Variants in SPART observed in about 807,000 individuals in gnomAD.
The protein encoded by SPART is spartin.
In SPART, 35 loss-of-function variants were observed where a neutral mutation model predicts 58.7. The observed-to-expected ratio is 0.60, with a 90% CI of 0.46 to 0.79. The LOEUF (loss-of-function observed/expected upper bound fraction) is 0.79. Among genes scored for constraint, SPART ranks in the 30% least tolerant of loss-of-function variants. The pLI, the probability that SPART is intolerant of heterozygous loss-of-function variation, is 0.00. For synonymous variants in SPART, 284 were observed against 280.7 expected (o/e 1.01, Z -0.12); for missense variants, 730 against 786.1 (o/e 0.93, Z 0.85).
At chr13:36,359,256 A>G (rs1413663877) in intron 1 of SPART, among the ~76,000 whole-genome samples, 3 of 152,208 alleles carry the variant, frequency 2.0e-5, no homozygotes, top group Non-Finnish European at 4.4e-5. Context: ...TATTGACATT[A>G]CATAACACGG....
chr13:36,313,130 T>C (rs757734918), intron 6 of SPART, among the ~76,000 whole-genome samples: 3 of 152,142 alleles, frequency 2.0e-5, no homozygotes, highest in Non-Finnish European at 4.4e-5. Flanking sequence ...AGTACATTGC[T>C]TGGGAAGGTT....
chr13:36,331,557 G>A lies in SPART; in HGVS notation c.850C>T (p.Pro284Ser), dbSNP rs1206533803. 6.2e-7 allele frequency: 1 copy of A among 1,613,870 alleles called. No homozygotes were observed. Among genetic ancestry groups the A allele is most frequent in the Admixed American group, 1.7e-5 (1 of 59,982 alleles). Residue 284 changes from proline (P) to serine (S), a missense_variant, in exon 3 of 9, where the codon CCG becomes TCG. By Grantham distance (74) the Pro-to-Ser change is moderately conservative (BLOSUM62 -1). Transcript: ENST00000438666. The part of the protein sequence containing the change: ...WLYPLVPDRS[P>S]VLKCTAGAYM... ...GCTCCCGCAGTACATTTCAGAACCG[G>A]AGATCTATCAGGAACTAGAGGATAT...
At chr13:36,326,763 T>C in intron 4 of SPART, 65 bp from the exon 5 acceptor site, 1 of 1,559,988 alleles carries the variant, frequency 6.4e-7, no homozygotes, top group Non-Finnish European at 8.8e-7. Flanking sequence ...CTGTAAGCAT[T>C]ATATAACAAA....
At chr13:36,369,224 T>G (rs1033771313) in intron 1 of SPART, among the ~76,000 whole-genome samples, 1 of 152,186 alleles carries the variant, frequency 6.6e-6, no homozygotes, top group African/African-American at 2.4e-5. Flanking sequence ...ATTTAGTCCT[T>G]TAAAAGCTGT....
intron 8 of SPART, among the ~76,000 whole-genome samples, chr13:36,309,506 T>G (rs1880871357): frequency 6.6e-6 from 1 of 152,152 alleles, no homozygotes; most frequent in Non-Finnish European, 1.5e-5. Flanking sequence ...AACAGTGGAC[T>G]GCACAAAGAA....
intron 1 of SPART, among the ~76,000 whole-genome samples, chr13:36,363,367 C>CAT (rs1885940161): frequency 6.6e-6 from 1 of 152,088 alleles, no homozygotes; most frequent in Non-Finnish European, 1.5e-5. Context: ...CTCTCTCTCT[C>CAT]TCTCTGTCCC....
chr13:36,368,683 G>A (rs563412486), intron 1 of SPART, among the ~76,000 whole-genome samples: 1 of 152,218 alleles, frequency 6.6e-6, no homozygotes, highest in African/African-American at 2.4e-5. Flanking sequence ...TACACTCTAC[G>A]TTTTTGGAGC....
At chr13:36,341,634 G>A (rs1256883848) in intron 1 of SPART, among the ~76,000 whole-genome samples, 1 of 150,916 alleles carries the variant, frequency 6.6e-6, no homozygotes, top group African/African-American at 2.4e-5. Flanking sequence ...AACTATTTTA[G>A]CAGCAATCTA....
At chr13:36,369,786 G>A (rs1220250212) in intron 1 of SPART, among the ~76,000 whole-genome samples, 1 of 152,150 alleles carries the variant, frequency 6.6e-6, no homozygotes, top group African/African-American at 2.4e-5. Context: ...AATATTTATA[G>A]AGACTTCATG....
chr13:36,312,280 A>C, intron 7 of SPART, 39 bp downstream of exon 7: 1 of 1,613,990 alleles, frequency 6.2e-7, no homozygotes, highest in Non-Finnish European at 8.5e-7. Context: ...GTCCAAAGCA[A>C]ACGGACCTTC....
chr13:36,353,591 A>G (rs1437129748), intron 1 of SPART, among the ~76,000 whole-genome samples: 1 of 152,290 alleles, frequency 6.6e-6, no homozygotes, highest in South Asian at 2.1e-4. Context: ...GGTTTGGTAT[A>G]AGGAACTGGG....
chr13:36,347,614 G>A (rs912715934), upstream of SPART, among the ~76,000 whole-genome samples: 1 of 152,052 alleles, frequency 6.6e-6, no homozygotes, highest in African/African-American at 2.4e-5. Flanking sequence ...ATCCCAAAAA[G>A]CAAAACCTAT....
At chr13:36,328,252 G>A (rs573819195) in intron 4 of SPART, among the ~76,000 whole-genome samples, 1 of 152,196 alleles carries the variant, frequency 6.6e-6, no homozygotes, top group African/African-American at 2.4e-5. Flanking sequence ...GAATATTCAC[G>A]TGATATTCAT....
At chr13:36,318,470 A>G (rs1345213702) in intron 5 of SPART, among the ~76,000 whole-genome samples, 1 of 152,306 alleles carries the variant, frequency 6.6e-6, no homozygotes, top group East Asian at 1.9e-4. Context: ...CTCAAAATAC[A>G]TTTTATTACC....
At chr13:36,352,339 T>A (rs886111982) in intron 1 of SPART, among the ~76,000 whole-genome samples, 2 of 152,208 alleles carry the variant, frequency 1.3e-5, no homozygotes, top group Non-Finnish European at 2.9e-5. Context: ...CTAATTTGAC[T>A]TGGTACTAGC....
chr13:36,359,659 A>G (rs1885760431), intron 1 of SPART, among the ~76,000 whole-genome samples: 1 of 152,158 alleles, frequency 6.6e-6, no homozygotes, highest in African/African-American at 2.4e-5. Context: ...AACGTATGCA[A>G]AGCTCTGTAC....
intron 1 of SPART, among the ~76,000 whole-genome samples, chr13:36,359,760 G>A (rs1885764542): frequency 1.3e-5 from 2 of 152,038 alleles, no homozygotes; most frequent in South Asian, 4.2e-4. Flanking sequence ...ATCTGCCACT[G>A]GCCAGCTTGG....
At position 36,335,111 on chromosome 13, in the gene SPART, A is replaced by T. The variant is rs780452995; in HGVS notation, c.720T>A (p.Ser240Arg). ...IFFVNPAGEVSAPSYPGYLRI... is the reference protein window; with the variant it reads ...IFFVNPAGEVRAPSYPGYLRI... ...GAAGGTACCCAGGATACGAAGGTGC[A>T]CTAACCTCCCCTGCAGGATTTACAA... The change falls in exon 2 of 9, where the codon AGT becomes AGA. Residue 240 changes from serine (S) to arginine (R), a missense_variant. Physicochemically the swap from Ser to Arg is moderately radical, Grantham distance 110. Transcript: ENST00000438666. 1.2e-6 allele frequency: 2 copies of T among 1,614,072 alleles called. No individual in the cohort carries two copies. Among genetic ancestry groups the T allele is most frequent in the African/African-American group, 2.7e-5 (2 of 74,934 alleles).
At chr13:36,355,249 C>T (rs1357047652) in intron 1 of SPART, among the ~76,000 whole-genome samples, 1 of 152,194 alleles carries the variant, frequency 6.6e-6, no homozygotes, top group Non-Finnish European at 1.5e-5. Flanking sequence ...AGGCTTTAAA[C>T]TCCTGGGCTT....
Sources: gnomAD v4.1 joint callset for allele counts (sites outside exome capture counted in the v4.1 genomes callset) on GRCh38, gnomAD v4.1.1 for gene constraint, MANE v1.5 for transcripts, NCBI Gene and HGNC (gene_info 2026-07-23, HGNC 2026-07-21) for gene names.